Variants in ARPC2 observed in about 807,000 individuals in gnomAD.
The protein encoded by ARPC2 is actin related protein 2/3 complex subunit 2, also known as actin-related protein 2/3 complex subunit 2.
In ARPC2, 4 loss-of-function variants were observed where a neutral mutation model predicts 38.6. The ratio of observed to expected loss-of-function variants is 0.10; its 90% CI spans 0.05 to 0.24. ARPC2 has a LOEUF of 0.24. ARPC2 is among the 10% of genes least tolerant of loss of function. The probability of loss-of-function intolerance (pLI) is 1.00; values close to 1 mark genes in which losing one functional copy is unlikely to be tolerated. For synonymous variants in ARPC2, 125 were observed against 140.8 expected (o/e 0.89, Z 0.79); for missense variants, 229 against 387.3 (o/e 0.59, Z 3.43).
intron 8 of ARPC2, among the ~76,000 whole-genome samples, chr2:218,246,512 A>G (rs1296845930): frequency 1.3e-5 from 2 of 152,106 alleles, no homozygotes; most frequent in Non-Finnish European, 2.9e-5. Flanking sequence ...CCTGGATGAC[A>G]GAGTGAGACC....
intron 7 of ARPC2, among the ~76,000 whole-genome samples, chr2:218,244,027 A>T (rs2106156787): frequency 6.6e-6 from 1 of 152,366 alleles, no homozygotes; most frequent in South Asian, 2.1e-4. Flanking sequence ...AACCAGTAAA[A>T]GTTAAAAAGC....
At chr2:218,248,240 C>G (rs1463146730) in intron 8 of ARPC2, among the ~76,000 whole-genome samples, 2 of 152,220 alleles carry the variant, frequency 1.3e-5, no homozygotes, top group African/African-American at 2.4e-5. Context: ...GTATAGTTGT[C>G]TTCTGTTGTG....
At chr2:218,226,086 A>C (rs956765534) in intron 3 of ARPC2, 132 bp downstream of exon 3, 1 of 841,412 alleles carries the variant, frequency 1.2e-6, no homozygotes, top group African/African-American at 1.7e-5. Flanking sequence ...CCTGATGTCA[A>C]GAGTTAAAGA....
In ARPC2 at chr2:218,225,915, T is replaced by A; in HGVS notation, c.75-5T>A. 1 of 1,613,662 alleles carries A rather than the reference T, an allele frequency of 6.2e-7. No homozygotes were observed. Among genetic ancestry groups the A allele is most frequent in the South Asian group, 1.1e-5 (1 of 91,060 alleles). Reference sequence around the variant, plus strand: ...TTAACTGAGGACCTTTTTTGTTGTTTACAGAAACAAACCGGAAGCAGTAGA... The same window carrying A: ...TTAACTGAGGACCTTTTTTGTTGTTAACAGAAACAAACCGGAAGCAGTAGA... On this transcript the variant is annotated splice_region_variant and splice_polypyrimidine_tract_variant and intron_variant, in intron 2 of 10. Transcript: ENST00000315717.
intron 5 of ARPC2, among the ~76,000 whole-genome samples, chr2:218,237,367 T>C (rs773265993): frequency 2.0e-5 from 3 of 151,422 alleles, no homozygotes; most frequent in Non-Finnish European, 4.4e-5. Flanking sequence ...ACCCAGCTAA[T>C]TTTGTATTTT....
In ARPC2 at chr2:218,254,047, G is replaced by A. The variant is rs1028884998; in HGVS notation, c.*132G>A. On this transcript the variant is annotated 3_prime_UTR_variant, in exon 11 of 11. Coordinates refer to ENST00000315717, the MANE Select transcript of ARPC2 (RefSeq NM_152862.3). ...TCCGTTTTGGTTCCATTTTGTACAC[G>A]TTTGGAAAATAATCTGCAGAAACGA... is the stretch of plus-strand genomic sequence containing the variant. The A allele has an allele frequency of 1.7e-5, 20 of 1,184,132 alleles. No individual in the cohort carries two copies. The highest frequency in any genetic ancestry group is 1.2e-4 in the Admixed American group (5 of 43,084). The allele number at this position is 1,184,132 out of a possible 1,614,324, so 73.4% of individuals were successfully genotyped here. A position where few individuals can be genotyped will look rare whatever the true frequency, so the allele number is the denominator to read the frequency against.
chr2:218,240,355 C>T (rs946378388), intron 7 of ARPC2, among the ~76,000 whole-genome samples: 2 of 152,214 alleles, frequency 1.3e-5, no homozygotes, highest in African/African-American at 4.8e-5. Context: ...ATCCTTCCTA[C>T]TGTGGGGTCT....
chr2:218,230,362 G>A (rs1197350444), intron 4 of ARPC2, among the ~76,000 whole-genome samples: 1 of 119,726 alleles, frequency 8.4e-6, no homozygotes, highest in Non-Finnish European at 1.6e-5. Context: ...CACAATCACA[G>A]CCACTGCACC....
intron 2 of ARPC2, among the ~76,000 whole-genome samples, chr2:218,224,561 C>T (rs1414043448): frequency 6.6e-6 from 1 of 152,214 alleles, no homozygotes; most frequent in Non-Finnish European, 1.5e-5. Flanking sequence ...TTCCTGGCTA[C>T]AGTTTCAAAA....
chr2:218,251,538 C>A (rs867085100), intron 10 of ARPC2, among the ~76,000 whole-genome samples: 1 of 152,094 alleles, frequency 6.6e-6, no homozygotes, highest in Non-Finnish European at 1.5e-5. Flanking sequence ...CAGCCAGGCT[C>A]AACCTCCTGG....
rs969608629 is a variant in ARPC2 at position 218,253,916 on chromosome 2, T to G, written c.*1T>G. On this transcript the variant is annotated 3_prime_UTR_variant, in exon 11 of 11. Coordinates refer to ENST00000315717, the MANE Select transcript of ARPC2 (RefSeq NM_152862.3). ...GGGGAAGACGTTTTCATCCCGCTAA[T>G]CTTGGGAATAAGAGGAGGAAGCGGC... 1 of 1,614,026 alleles carries G rather than the reference T, an allele frequency of 6.2e-7. No homozygotes were observed. The highest frequency in any genetic ancestry group is 8.5e-7 in the Non-Finnish European group (1 of 1,179,994).
At chr2:218,251,448 G>A (rs1012234160) in intron 10 of ARPC2, among the ~76,000 whole-genome samples, 2 of 151,924 alleles carry the variant, frequency 1.3e-5, no homozygotes, top group East Asian at 1.9e-4. Context: ...TGCTGACCTC[G>A]TGATCCACCT....
At chr2:218,217,422 C>T in intron 1 of ARPC2, 41 bp from the exon 2 acceptor site, 1 of 1,600,140 alleles carries the variant, frequency 6.2e-7, no homozygotes, top group Middle Eastern at 1.7e-4. Context: ...CCTCCCTTAC[C>T]CACCCTCACC....
At chr2:218,242,201 A>T (rs1028618375) in intron 7 of ARPC2, among the ~76,000 whole-genome samples, 1 of 152,172 alleles carries the variant, frequency 6.6e-6, no homozygotes, top group African/African-American at 2.4e-5. Flanking sequence ...GTATTCCTCC[A>T]CACTAGTGGT....
intron 2 of ARPC2, among the ~76,000 whole-genome samples, chr2:218,224,740 G>A (rs988061498): frequency 6.6e-5 from 10 of 152,170 alleles, no homozygotes; most frequent in African/African-American, 1.9e-4. Context: ...TGTATGATTC[G>A]TATAGGTTGA....
intron 4 of ARPC2, among the ~76,000 whole-genome samples, chr2:218,229,645 T>C (rs1689584691): frequency 1.3e-5 from 2 of 152,234 alleles, no homozygotes; most frequent in South Asian, 2.1e-4. Context: ...TTAAAACTTA[T>C]ATAATAAAAG....
chr2:218,244,775 G>A (rs965692392), intron 7 of ARPC2, among the ~76,000 whole-genome samples: 18 of 152,336 alleles, frequency 1.2e-4, no homozygotes, highest in Admixed American at 7.8e-4. Context: ...GCATCCTCCT[G>A]CTGTCTATCA....
At chr2:218,249,997 T>C in intron 10 of ARPC2, 76 bp downstream of exon 10, 1 of 1,262,558 alleles carries the variant, frequency 7.9e-7, no homozygotes. Context: ...GCTGGTGGCC[T>C]GGTCCTCCAT....
chr2:218,223,098 T>C (rs975276722), intron 2 of ARPC2, among the ~76,000 whole-genome samples: 1 of 152,220 alleles, frequency 6.6e-6, no homozygotes, highest in Non-Finnish European at 1.5e-5. Flanking sequence ...TCCCCCCTTA[T>C]CTGTGGTTTT....
Sources: gnomAD v4.1 joint callset for allele counts (sites outside exome capture counted in the v4.1 genomes callset) on GRCh38, gnomAD v4.1.1 for gene constraint, MANE v1.5 for transcripts, NCBI Gene and HGNC (gene_info 2026-07-23, HGNC 2026-07-21) for gene names.